EFCAB5: variants seen among roughly 807,000 people sequenced by gnomAD.
EFCAB5 encodes the protein EF-hand calcium-binding domain-containing protein 5.
EFCAB5 carries 131 observed loss-of-function variants against 167.9 expected under a neutral mutation model. The ratio of observed to expected loss-of-function variants is 0.78; its 90% CI spans 0.68 to 0.90. EFCAB5 has a LOEUF of 0.90. Among genes scored for constraint, EFCAB5 ranks in the 40% least tolerant of loss-of-function variants. The pLI is 0.00. For missense variants in EFCAB5, 1,663 were observed against 1,745.2 expected (o/e 0.95, Z 0.84); for synonymous variants, 574 against 602.8 (o/e 0.95, Z 0.70).
chr17:30,101,475 G>T (rs920377891), intron 22 of EFCAB5, among the ~76,000 whole-genome samples: 13 of 152,220 alleles, frequency 8.5e-5, no homozygotes, highest in African/African-American at 2.9e-4. Flanking sequence ...GCAGGCTTTG[G>T]TCGGGGGAGA....
intron 4 of EFCAB5, among the ~76,000 whole-genome samples, chr17:29,992,755 G>T (rs972550935): frequency 6.6e-6 from 1 of 152,220 alleles, no homozygotes; most frequent in Non-Finnish European, 1.5e-5. Context: ...GAACATGGAA[G>T]TGCAGCCATC....
At chr17:29,991,385 G>A (rs188200007) in intron 4 of EFCAB5, among the ~76,000 whole-genome samples, 30 of 152,296 alleles carry the variant, frequency 2.0e-4, no homozygotes, top group African/African-American at 6.0e-4. Context: ...TGAGAGCCTC[G>A]AACAGAGTTT....
chr17:30,069,309 C>T, intron 14 of EFCAB5: 3 of 1,505,392 alleles, frequency 2.0e-6, no homozygotes, highest in East Asian at 2.3e-5. Context: ...GATGAGTTAT[C>T]CCCAGAAGAA....
At chr17:30,050,318 A>G (rs749308129) in intron 8 of EFCAB5, among the ~76,000 whole-genome samples, 3 of 152,056 alleles carry the variant, frequency 2.0e-5, no homozygotes, top group Admixed American at 6.5e-5. Flanking sequence ...TCTTTTTAGT[A>G]GAGACAGGGT....
At chr17:30,088,386 A>C (rs1456832196) in intron 19 of EFCAB5, among the ~76,000 whole-genome samples, 1 of 152,126 alleles carries the variant, frequency 6.6e-6, no homozygotes, top group Admixed American at 6.5e-5. Context: ...TTAAAATTGC[A>C]TGTTTTAAAG....
At chr17:29,957,787 CAT>C (rs1456500311) in intron 3 of EFCAB5, among the ~76,000 whole-genome samples, 12 of 152,110 alleles carry the variant, frequency 7.9e-5, no homozygotes, top group Non-Finnish European at 2.9e-5. Context: ...CTGTAATGAA[CAT>C]ATGTGTTAAT....
At chr17:30,016,311 A>C (rs12150640) in intron 7 of EFCAB5, among the ~76,000 whole-genome samples, 161 of 152,260 alleles carry the variant, frequency 1.1e-3, no homozygotes, top group Non-Finnish European at 2.0e-3. Context: ...ATATCAAAAA[A>C]CCATTGCCTA....
At chr17:30,039,841 T>C (rs188223264) in intron 8 of EFCAB5, among the ~76,000 whole-genome samples, 131 of 152,324 alleles carry the variant, frequency 8.6e-4, no homozygotes, top group African/African-American at 2.8e-3. Context: ...AGATGTGCTT[T>C]GTTCTCCCTT....
intron 4 of EFCAB5, among the ~76,000 whole-genome samples, chr17:29,977,128 C>A (rs968177825): frequency 1.3e-5 from 2 of 152,068 alleles, no homozygotes; most frequent in Non-Finnish European, 2.9e-5. Context: ...TAAAAAGTAT[C>A]TTTTCCCTCT....
At chr17:30,046,720 C>T (rs1039690262) in intron 8 of EFCAB5, among the ~76,000 whole-genome samples, 6 of 152,166 alleles carry the variant, frequency 3.9e-5, no homozygotes, top group African/African-American at 1.4e-4. Flanking sequence ...GAGAAGCAAC[C>T]CCTTCTCTCC....
At chr17:30,058,618 A>G (rs2070340440) in intron 13 of EFCAB5, among the ~76,000 whole-genome samples, 1 of 152,220 alleles carries the variant, frequency 6.6e-6, no homozygotes, top group Non-Finnish European at 1.5e-5. Context: ...TTAATGTCAA[A>G]TATAGTCAAT....
rs535145738 is a variant in EFCAB5 at position 30,017,742 on chromosome 17, T to C, written c.1045-16488T>C. ...ACAATTGATATCCTACCATAAAAGA[T>C]GAGAGTATTTAATATTTTCTCATAT... On this transcript the variant is annotated intron_variant, in intron 7 of 22. Transcript: ENST00000394835. Among the ~76,000 whole-genome samples, 13 of 152,314 alleles carry C rather than the reference T, an allele frequency of 8.5e-5. No homozygotes were observed. In the East Asian group the frequency reaches 2.1e-3, roughly 25 times the overall value.
intron 7 of EFCAB5, among the ~76,000 whole-genome samples, chr17:30,025,779 A>T (rs951802966): frequency 2.0e-5 from 3 of 152,206 alleles, no homozygotes; most frequent in African/African-American, 7.2e-5. Context: ...CAAATGTCCA[A>T]CAATGATAGA....
chr17:30,059,274 A>ATT, intron 13 of EFCAB5: 1 of 218,910 alleles, frequency 4.6e-6, no homozygotes, highest in African/African-American at 2.3e-5. Flanking sequence ...TTTAAAAAAA[A>ATT]TTTTTTTTAA....
At chr17:30,015,427 A>C (rs2069011099) in intron 7 of EFCAB5, among the ~76,000 whole-genome samples, 1 of 152,194 alleles carries the variant, frequency 6.6e-6, no homozygotes, top group Non-Finnish European at 1.5e-5. Context: ...CGTCACTTTC[A>C]GGTACACCAA....
At chr17:29,974,108 G>C (rs1207234573) in intron 4 of EFCAB5, among the ~76,000 whole-genome samples, 1 of 148,760 alleles carries the variant, frequency 6.7e-6, no homozygotes, top group East Asian at 2.0e-4. Flanking sequence ...AGTGAGCTGA[G>C]ATTGTGCCAC....
intron 4 of EFCAB5, among the ~76,000 whole-genome samples, chr17:29,974,156 TAA>T (rs556600386): frequency 2.1e-4 from 25 of 118,594 alleles, no homozygotes; most frequent in Admixed American, 3.5e-4. Flanking sequence ...AAACTCTATC[TAA>T]AAAAAAAAAA....
At chr17:29,954,483 T>C (rs2067573193) in intron 3 of EFCAB5, among the ~76,000 whole-genome samples, 1 of 152,200 alleles carries the variant, frequency 6.6e-6, no homozygotes, top group Admixed American at 6.5e-5. Flanking sequence ...AGCTTCCACA[T>C]GGTGCTGGGC....
intron 7 of EFCAB5, among the ~76,000 whole-genome samples, chr17:30,025,322 GA>G (rs1166462046): frequency 6.6e-6 from 1 of 151,814 alleles, no homozygotes; most frequent in Non-Finnish European, 1.5e-5. Context: ...AAATTTACAA[GA>G]AAAAAACAAA....
Sources: gnomAD v4.1 joint callset for allele counts (sites outside exome capture counted in the v4.1 genomes callset) on GRCh38, gnomAD v4.1.1 for gene constraint, MANE v1.5 for transcripts, NCBI Gene and HGNC (gene_info 2026-07-23, HGNC 2026-07-21) for gene names.